Variants in LYPD6 observed in about 807,000 individuals in gnomAD.
LYPD6 encodes LY6/PLAUR domain containing 6.
Under a neutral mutation model 22.7 loss-of-function variants are expected in LYPD6, and 15 were observed. That is an observed-to-expected ratio of 0.66 (90% CI 0.44 to 1.02). The LOEUF is 1.02. LYPD6 is among the 50% of genes least tolerant of loss of function. The pLI is 0.00. For missense variants in LYPD6, 189 were observed against 208.4 expected (o/e 0.91, Z 0.57); for synonymous variants, 72 against 77.5 (o/e 0.93, Z 0.37).
intron 1 of LYPD6, among the ~76,000 whole-genome samples, chr2:149,348,529 A>G (rs369385169): frequency 1.3e-5 from 2 of 152,200 alleles, no homozygotes; most frequent in East Asian, 1.9e-4. Flanking sequence ...CCAGGCAGAA[A>G]TGCAAAAGTG....
chr2:149,414,014 T>C (rs750343114), intron 1 of LYPD6, among the ~76,000 whole-genome samples: 69 of 152,338 alleles, frequency 4.5e-4, no homozygotes, highest in Non-Finnish European at 8.2e-4. Flanking sequence ...GGTGGTTCTT[T>C]AGCAATCTCA....
At chr2:149,436,577 C>T (rs1683435582) in intron 1 of LYPD6, among the ~76,000 whole-genome samples, 1 of 152,038 alleles carries the variant, frequency 6.6e-6, no homozygotes. Flanking sequence ...ACAATCTTAT[C>T]AGTTTGGTTT....
intron 1 of LYPD6, among the ~76,000 whole-genome samples, chr2:149,417,138 A>G (rs747368092): frequency 6.6e-6 from 1 of 152,170 alleles, no homozygotes; most frequent in Non-Finnish European, 1.5e-5. Context: ...TCATTATCAC[A>G]TGGGCAACAC....
At chr2:149,467,073 C>T (rs1681217205) in intron 3 of LYPD6, among the ~76,000 whole-genome samples, 1 of 152,172 alleles carries the variant, frequency 6.6e-6, no homozygotes, top group African/African-American at 2.4e-5. Flanking sequence ...AGAGCTGCTG[C>T]CTCTTCTTCA....
At chr2:149,395,341 A>G (rs142219534) in intron 1 of LYPD6, among the ~76,000 whole-genome samples, 1,696 of 152,272 alleles carry the variant, frequency 0.011, 33 homozygotes, top group African/African-American at 0.038. Flanking sequence ...TTTTCTGCCA[A>G]TTTTTGGATA....
In LYPD6 at chr2:149,471,858, G is replaced by A. The variant is rs1434289221; in HGVS notation, c.*1008G>A. The A allele has an allele frequency of 6.6e-6, 1 of 152,588 alleles. No homozygotes were observed. Among genetic ancestry groups the A allele is most frequent in the Non-Finnish European group, 1.5e-5 (1 of 68,040 alleles). 9.5% of individuals were successfully genotyped at this position (152,588 alleles called of 1,614,324 possible). On this transcript the variant is annotated 3_prime_UTR_variant, in exon 5 of 5. Coordinates refer to ENST00000334166, the MANE Select transcript of LYPD6 (RefSeq NM_194317.5). ...AAGAGCTCCCACTTCCAAATCCCCA[G>A]TGACTTTATGGAGAAGATTCTGCAT...
chr2:149,478,840 A>T (rs2105191507), downstream of LYPD6, among the ~76,000 whole-genome samples: 1 of 152,274 alleles, frequency 6.6e-6, no homozygotes, highest in South Asian at 2.1e-4. Context: ...TACTTACATG[A>T]AGGGAATGAT....
chr2:149,423,778 G>A (rs368728412), intron 1 of LYPD6, among the ~76,000 whole-genome samples: 1 of 109,798 alleles, frequency 9.1e-6, no homozygotes, highest in Non-Finnish European at 1.7e-5. Flanking sequence ...GGCGGGGGGT[G>A]GGGGGTGTCA....
At chr2:149,381,061 G>A (rs1025723324) in intron 1 of LYPD6, among the ~76,000 whole-genome samples, 3 of 152,166 alleles carry the variant, frequency 2.0e-5, no homozygotes, top group African/African-American at 7.2e-5. Flanking sequence ...TGGTGGCCTT[G>A]AGGAGAATTG....
chr2:149,402,768 T>G (rs1682590255), intron 1 of LYPD6, among the ~76,000 whole-genome samples: 1 of 152,164 alleles, frequency 6.6e-6, no homozygotes, highest in South Asian at 2.1e-4. Flanking sequence ...TTAGGGTACA[T>G]GTGCACAACG....
intron 1 of LYPD6, among the ~76,000 whole-genome samples, chr2:149,397,500 A>G (rs1490288089): frequency 6.6e-6 from 1 of 152,182 alleles, no homozygotes; most frequent in African/African-American, 2.4e-5. Context: ...AATACACTCT[A>G]CCTTGAGTTG....
chr2:149,375,759 A>G lies in LYPD6; in HGVS notation c.-72+45037A>G, dbSNP rs531031678. ...TTTTATTATTGCTGTGATTGCAGGG[A>G]GGCAAGGAACTGGGTTTGACAGGTG... On this transcript the variant is annotated intron_variant, in intron 1 of 4. Transcript: ENST00000334166. 2.6e-5 allele frequency among the ~76,000 whole-genome samples: 4 copies of G among 152,248 alleles called. No individual in the cohort carries two copies. In the South Asian group the frequency reaches 8.3e-4, roughly 32 times the overall value.
intron 1 of LYPD6, among the ~76,000 whole-genome samples, chr2:149,388,524 C>G (rs934060322): frequency 6.6e-6 from 1 of 151,850 alleles, no homozygotes; most frequent in East Asian, 1.9e-4. Flanking sequence ...TTGAGCAAAG[C>G]CAAGCACAAG....
At chr2:149,393,767 C>A (rs1682367044) in intron 1 of LYPD6, among the ~76,000 whole-genome samples, 1 of 152,198 alleles carries the variant, frequency 6.6e-6, no homozygotes, top group African/African-American at 2.4e-5. Context: ...ATGAGATTAG[C>A]TTTCCCCAGC....
intron 3 of LYPD6, among the ~76,000 whole-genome samples, chr2:149,456,783 C>T (rs1018705835): frequency 1.3e-5 from 2 of 152,128 alleles, no homozygotes; most frequent in Non-Finnish European, 2.9e-5. Flanking sequence ...AGCATTCATT[C>T]GGTGGTTTTT....
At chr2:149,422,123 C>T (rs1683094749) in intron 1 of LYPD6, among the ~76,000 whole-genome samples, 1 of 152,192 alleles carries the variant, frequency 6.6e-6, no homozygotes, top group Admixed American at 6.5e-5. Flanking sequence ...CAGGTGCCTT[C>T]TTCACCTACT....
chr2:149,480,066 G>A, the LYPD6 span, among the ~76,000 whole-genome samples: 1 of 151,052 alleles, frequency 6.6e-6, no homozygotes, highest in Non-Finnish European at 1.5e-5. Context: ...TGTCACCCAG[G>A]CTGGAGTGCA....
Position 149,394,017 on chromosome 2 carries a change from C to T in LYPD6, c.-71-43621C>T, listed in dbSNP as rs147267777. On this transcript the variant is annotated intron_variant, in intron 1 of 4. Coordinates refer to ENST00000334166, the MANE Select transcript of LYPD6 (RefSeq NM_194317.5). ...TATTACACAAAGCCTGCTTACAAAT[C>T]GGGCAGCTCTACAGTCTCAAATATA... 2.0e-4 allele frequency among the ~76,000 whole-genome samples: 30 copies of T among 152,310 alleles called. 1 individual carries two copies. The highest frequency in any genetic ancestry group is 6.0e-4 in the African/African-American group (25 of 41,574).
chr2:149,362,491 CTGTT>C (rs762274258), intron 1 of LYPD6, among the ~76,000 whole-genome samples: 1 of 152,078 alleles, frequency 6.6e-6, no homozygotes, highest in Non-Finnish European at 1.5e-5. Flanking sequence ...TTAGAAAGGT[CTGTT>C]TGTTCAGATT....
Sources: allele counts gnomAD v4.1 joint callset (sites outside exome capture counted in the v4.1 genomes callset), GRCh38; gene constraint gnomAD v4.1.1; transcripts MANE v1.5; gene names NCBI Gene and HGNC (gene_info 2026-07-23, HGNC 2026-07-21).